Variants in ZCRB1 observed in about 807,000 individuals in gnomAD.
ZCRB1 encodes the protein zinc finger CCHC-type and RNA binding motif containing 1, also known as zinc finger CCHC-type and RNA-binding motif-containing protein 1.
ZCRB1 carries 21 observed loss-of-function variants against 29.9 expected under a neutral mutation model. The observed-to-expected ratio is 0.70, with a 90% CI of 0.50 to 1.01. The LOEUF is 1.01. Ranked by LOEUF, ZCRB1 falls within the 50% of genes least tolerant of loss-of-function variation. The probability of loss-of-function intolerance (pLI) is 0.00; values close to 1 mark genes in which losing one functional copy is unlikely to be tolerated. For synonymous variants in ZCRB1, 77 were observed against 80.0 expected, an observed-to-expected ratio of 0.96 and a Z score of 0.20; for missense variants, 204 against 253.3, an observed-to-expected ratio of 0.81 and a Z score of 1.32.
rs1018064926 is a variant in ZCRB1, at chr12:42,323,705, C to G, written c.84+314G>C. The G allele has an allele frequency of 4.1e-5, 11 of 270,028 alleles. No homozygotes were observed. In the Admixed American group the frequency reaches 5.5e-4, roughly 13 times the overall value. 16.7% of individuals were successfully genotyped at this position (270,028 alleles called of 1,614,324 possible). On this transcript the variant is annotated intron_variant, in intron 2 of 7. Transcript: ENST00000266529. The stretch of plus-strand genomic sequence containing the variant: ...GGAGTGCAGTGGTGTGACCTTGGCT[C>G]ACTGTCGCCTCGACCTCCTAGGCTC...
Position 42,313,968 on chromosome 12 carries a change from A to G in ZCRB1, c.352T>C (p.Tyr118His). Residue 118 changes from tyrosine to histidine, a missense_variant, in exon 6 of 8, where the codon TAT (tyrosine) becomes CAT (histidine). Tyr to His is a moderately conservative substitution (Grantham distance 83). Transcript: ENST00000266529. ...CCGAGCATATTTTTCGGACAGGCAT[A>G]ACTTAAGTGTCCACTTTCCTTTTGT... is the stretch of plus-strand genomic sequence containing the variant. Reference protein sequence around the residue: ...YECGESGHLSYACPKNMLGER... With the variant: ...YECGESGHLSHACPKNMLGER... The G allele has an allele frequency of 6.3e-7, 1 of 1,593,448 alleles. No individual in the cohort carries two copies. The highest frequency in any genetic ancestry group is 2.2e-5 in the East Asian group (1 of 44,768).
intron 3 of ZCRB1, among the ~76,000 whole-genome samples, chr12:42,320,173 T>A (rs1565693167): frequency 6.6e-6 from 1 of 152,230 alleles, no homozygotes; most frequent in Admixed American, 6.5e-5. Context: ...GCACATAATA[T>A]GAAGCATACA....
Position 42,324,103 on chromosome 12 carries a change from TTC to T in ZCRB1, c.-2-1_-2del. 1 of 1,613,974 alleles carries T rather than the reference TTC, an allele frequency of 6.2e-7. No homozygotes were observed. Among genetic ancestry groups the T allele is most frequent in the South Asian group, 1.1e-5 (1 of 91,080 alleles). On this transcript the variant is annotated splice_acceptor_variant and 5_prime_UTR_variant, in exon 2 of 8. Transcript: ENST00000266529. LOFTEE classifies it low-confidence loss of function (5UTR_SPLICE). The stretch of plus-strand genomic sequence containing the variant: ...TACTTGGAGCCAATCCACCACTCAT[TTC>T]TAAAAGTGAAAACAAACTTATCAGC...
At chr12:42,319,361 G>A (rs2068610175) in intron 3 of ZCRB1, among the ~76,000 whole-genome samples, 1 of 152,032 alleles carries the variant, frequency 6.6e-6, no homozygotes, top group Admixed American at 6.5e-5. Context: ...CCATTCCTTT[G>A]TTCAAAAATC....
chr12:42,316,023 G>GT (rs1377907563), intron 5 of ZCRB1, among the ~76,000 whole-genome samples: 1 of 152,056 alleles, frequency 6.6e-6, no homozygotes, highest in African/African-American at 2.4e-5. Context: ...AGCCAGGACG[G>GT]TATCTTTCAG....
intron 2 of ZCRB1, chr12:42,323,616 A>C (rs574949482): frequency 6.1e-6 from 1 of 164,050 alleles, no homozygotes; most frequent in South Asian, 1.7e-4. Flanking sequence ...TGTTCAATAA[A>C]TATAGCTTCT....
At chr12:42,323,886 G>T in intron 2 of ZCRB1, 133 bp downstream of exon 2, 2 of 764,516 alleles carry the variant, frequency 2.6e-6, no homozygotes, top group Non-Finnish European at 4.3e-6. Flanking sequence ...CTACAGCCTC[G>T]TGCCTCAGTG....
In ZCRB1 at chr12:42,317,833, T is replaced by C; in HGVS notation, c.179A>G (p.Asp60Gly). The C allele has an allele frequency of 6.2e-7, 1 of 1,613,816 alleles. No individual in the cohort carries two copies. ...GGTACAGTTTTGTGCAGAGTCTTTATCCAAAAATAAAATAAATGCAACCCC... is the reference window on the plus strand; with the variant it reads ...GGTACAGTTTTGTGCAGAGTCTTTACCCAAAAATAAAATAAATGCAACCCC... ...SKGVAFILFLDKDSAQNCTRA... is the reference protein window; with the variant it reads ...SKGVAFILFLGKDSAQNCTRA... Residue 60 changes from aspartate to glycine, a missense_variant, in exon 4 of 8, where the codon GAT becomes GGT. Physicochemically the swap from Asp to Gly is moderately conservative, Grantham distance 94. Transcript: ENST00000266529.
rs1011030762 is a variant in ZCRB1 at position 42,315,596 on chromosome 12, G to GT, written c.334-1611dup. Reference sequence around the variant, plus strand: ...AACCAGGCTAGGTCAATATAAAAAAGTTTTTTTTGGAGGGAGGGAAATTAA... The same window carrying GT: ...AACCAGGCTAGGTCAATATAAAAAAGTTTTTTTTTGGAGGGAGGGAAATTAA... On this transcript the variant is annotated intron_variant, in intron 5 of 7. Coordinates refer to ENST00000266529, the MANE Select transcript of ZCRB1 (RefSeq NM_033114.4). 2.7e-4 allele frequency among the ~76,000 whole-genome samples: 41 copies of GT among 151,752 alleles called. 1 individual carries two copies. Among genetic ancestry groups the GT allele is most frequent in the Admixed American group, 7.2e-4 (11 of 15,230 alleles).
At chr12:42,320,360 C>T (rs953292510) in intron 3 of ZCRB1, among the ~76,000 whole-genome samples, 28 of 152,170 alleles carry the variant, frequency 1.8e-4, no homozygotes, top group African/African-American at 6.5e-4. Flanking sequence ...TCTGACCAGT[C>T]TCTATATCTC....
rs935971651 is a variant in ZCRB1, at chr12:42,312,698, T to C, written c.*369A>G. ...ATTTTATAGGTATTTATAATTTATTTTATAGGTATTTACAATTTATCCAGA... is the reference window on the plus strand; with the variant it reads ...ATTTTATAGGTATTTATAATTTATTCTATAGGTATTTACAATTTATCCAGA... On this transcript the variant is annotated 3_prime_UTR_variant, in exon 8 of 8. Transcript: ENST00000266529. 1.3e-5 allele frequency: 2 copies of C among 152,906 alleles called. No homozygotes were observed. The highest frequency in any genetic ancestry group is 1.3e-4 in the Admixed American group (2 of 15,314). 9.5% of individuals were successfully genotyped at this position (152,906 alleles called of 1,614,324 possible). A position where few individuals can be genotyped will look rare whatever the true frequency, so the allele number is the denominator to read the frequency against.
intron 3 of ZCRB1, among the ~76,000 whole-genome samples, chr12:42,318,366 G>C (rs76280451): frequency 2.0e-5 from 3 of 152,128 alleles, no homozygotes; most frequent in Admixed American, 1.3e-4. Flanking sequence ...GTGGTGGTGC[G>C]CACCTGTAGT....
chr12:42,314,538 T>G (rs563471415), intron 5 of ZCRB1, among the ~76,000 whole-genome samples: 23 of 150,532 alleles, frequency 1.5e-4, no homozygotes, highest in Admixed American at 2.7e-4. Flanking sequence ...GCTGAGATCA[T>G]TCCGTTGCAC....
Position 42,323,232 on chromosome 12 carries a change from A to G in ZCRB1, c.85-786T>C, listed in dbSNP as rs138311497. On this transcript the variant is annotated intron_variant, in intron 2 of 7. Transcript: ENST00000266529. The stretch of plus-strand genomic sequence containing the variant: ...ATAACTGGATAGCAGTGTTAGCAAC[A>G]CTGGGTTCTGAAGGCCAGTACAGTC... Among the ~76,000 whole-genome samples the G allele has an allele frequency of 9.8e-3, 1,487 of 152,344 alleles. 74 individuals carry two copies. Among genetic ancestry groups the G allele is most frequent in the Admixed American group, 0.085 (1,296 of 15,298 alleles).
chr12:42,325,251 GCTTGT>G (rs1477443987), intron 1 of ZCRB1: 2 of 152,054 alleles, frequency 1.3e-5, no homozygotes, highest in African/African-American at 4.8e-5. Flanking sequence ...TACCTTTTTT[GCTTGT>G]CTTAATATTT....
intron 5 of ZCRB1, 76 bp downstream of exon 5, chr12:42,317,264 G>T: frequency 9.6e-7 from 1 of 1,039,394 alleles, no homozygotes; most frequent in Non-Finnish European, 1.4e-6. Context: ...AGAAGTTTTG[G>T]TGAGCAAAAA....
Position 42,324,087 on chromosome 12 carries a change from C to G in ZCRB1, c.16G>C (p.Ala6Pro). 1.9e-6 allele frequency: 3 copies of G among 1,614,054 alleles called. No individual in the cohort carries two copies. Among genetic ancestry groups the G allele is most frequent in the South Asian group, 2.2e-5 (2 of 91,086 alleles). Residue 6 changes from alanine to proline, a missense_variant, in exon 2 of 8, where the codon GCT becomes CCT. Physicochemically the swap from Ala to Pro is conservative, Grantham distance 27 (BLOSUM62 -1). Transcript: ENST00000266529. The part of the protein sequence containing the change: MSGGL[A>P]PSKSTVYVSN... Reference sequence around the variant, plus strand: ...ACATACACTGTGCTCTTACTTGGAGCCAATCCACCACTCATTTCTAAAAGT... The same window carrying G: ...ACATACACTGTGCTCTTACTTGGAGGCAATCCACCACTCATTTCTAAAAGT...
chr12:42,317,948 G>A, intron 3 of ZCRB1, 50 bp from the exon 4 acceptor site: 1 of 1,416,618 alleles, frequency 7.1e-7, no homozygotes, highest in Non-Finnish European at 9.8e-7. Flanking sequence ...AAATAAAACA[G>A]ATACTAATAC....
chr12:42,312,938 T>A lies in ZCRB1; in HGVS notation c.*129A>T, dbSNP rs74078016. On this transcript the variant is annotated 3_prime_UTR_variant, in exon 8 of 8. Coordinates refer to ENST00000266529, the MANE Select transcript of ZCRB1 (RefSeq NM_033114.4). ...ACTTTTCAAATAAATTTTTAAAATATCTTTTTTCTTGGGATGACAATAATA... is the reference window on the plus strand; with the variant it reads ...ACTTTTCAAATAAATTTTTAAAATAACTTTTTTCTTGGGATGACAATAATA... 2 of 1,000,126 alleles carry A rather than the reference T, an allele frequency of 2.0e-6. No homozygotes were observed. 62.0% of individuals were successfully genotyped at this position (1,000,126 alleles called of 1,614,324 possible). A position where few individuals can be genotyped will look rare whatever the true frequency, so the allele number is the denominator to read the frequency against.
Sources: allele counts gnomAD v4.1 joint callset (sites outside exome capture counted in the v4.1 genomes callset), GRCh38; gene constraint gnomAD v4.1.1; transcripts MANE v1.5; gene names NCBI Gene and HGNC (gene_info 2026-07-23, HGNC 2026-07-21).